Variants in APC observed in about 807,000 individuals in gnomAD.
APC encodes the protein adenomatous polyposis coli protein.
A neutral mutation model predicts 247.0 loss-of-function variants in APC; 72 were observed. The observed-to-expected ratio is 0.29, with a 90% confidence interval of 0.24 to 0.35. The LOEUF (loss-of-function observed/expected upper bound fraction) is 0.35, where lower values mean the gene tolerates loss of function less well. Ranked by LOEUF, APC falls within the 10% of genes least tolerant of loss-of-function variation. The probability of loss-of-function intolerance (pLI) is 1.00; values close to 1 mark genes in which losing one functional copy is unlikely to be tolerated. For synonymous variants in APC, 1,254 were observed against 1,162.5 expected, an observed-to-expected ratio of 1.08 and a Z score of -1.60; for missense variants, 3,400 against 3,360.7, an observed-to-expected ratio of 1.01 and a Z score of -0.29.
At chr5:112,824,743 A>G (rs1169616139) in intron 11 of APC, among the ~76,000 whole-genome samples, 1 of 103,522 alleles carries the variant, frequency 9.7e-6, no homozygotes, top group Non-Finnish European at 2.1e-5. Context: ...CATCTTGGGG[A>G]TCTCATTAGT....
chr5:112,742,285 G>A (rs966539185), intron 1 of APC, among the ~76,000 whole-genome samples: 2 of 152,114 alleles, frequency 1.3e-5, no homozygotes, highest in African/African-American at 4.8e-5. Flanking sequence ...AGTGAAGGCC[G>A]TAAGTTTTCT....
At position 112,839,847 on chromosome 5, in the gene APC, T is replaced by G. The variant is rs1304517507; in HGVS notation, c.4253T>G (p.Ile1418Arg). The change falls in exon 16 of 16, where the codon ATA becomes AGA. Residue 1418 changes from isoleucine (I) to arginine (R), a missense_variant. Physicochemically the swap from Ile to Arg is moderately conservative, Grantham distance 97 (BLOSUM62 -3). Transcript: ENST00000257430. The surrounding 1 kb of genome is among the most constrained non-coding windows in gnomAD (Gnocchi z 5.0). ...EPCSGMVSGIISPSDLPDSPG... is the reference protein window; with the variant it reads ...EPCSGMVSGIRSPSDLPDSPG... ...TGCAGTGGAATGGTAAGTGGCATTA[T>G]AAGCCCCAGTGATCTTCCAGATAGC... 1 of 1,614,002 alleles carries G rather than the reference T, an allele frequency of 6.2e-7. No individual in the cohort carries two copies. Among genetic ancestry groups the G allele is most frequent in the Admixed American group, 1.7e-5 (1 of 59,986 alleles).
In APC at chr5:112,824,912, T is replaced by A. The variant is rs190788055; in HGVS notation, c.1409-2196T>A. 4.6e-5 allele frequency among the ~76,000 whole-genome samples: 7 copies of A among 152,058 alleles called. No homozygotes were observed. In the East Asian group the frequency reaches 1.3e-3, roughly 29 times the overall value. On this transcript the variant is annotated intron_variant, in intron 11 of 15. Transcript: ENST00000257430. ...CTTTCTCTCTATGCTTCTGTTATAG[T>A]TTTTGTTTTTGTTTTCAAATTTACA...
At chr5:112,817,708 C>T (rs1027581064) in intron 9 of APC, among the ~76,000 whole-genome samples, 1 of 152,176 alleles carries the variant, frequency 6.6e-6, no homozygotes, top group Admixed American at 6.5e-5. Context: ...ATTTTGAATG[C>T]TAGCTACTGT....
chr5:112,824,916 TG>T (rs1763489889), intron 11 of APC, among the ~76,000 whole-genome samples: 1 of 152,174 alleles, frequency 6.6e-6, no homozygotes, highest in South Asian at 2.1e-4. Flanking sequence ...TTATAGTTTT[TG>T]TTTTTGTTTT....
At chr5:112,799,041 C>G (rs961230500) in intron 7 of APC, among the ~76,000 whole-genome samples, 10 of 152,012 alleles carry the variant, frequency 6.6e-5, no homozygotes, top group African/African-American at 2.4e-4. Context: ...GAAACCCTGT[C>G]TCTACTAAAA....
At chr5:112,742,358 A>G (rs569325427) in intron 1 of APC, among the ~76,000 whole-genome samples, 6 of 152,300 alleles carry the variant, frequency 3.9e-5, no homozygotes, top group Admixed American at 6.5e-5. Context: ...TCCTTGGACT[A>G]TGTTATTTAT....
upstream of APC, among the ~76,000 whole-genome samples, chr5:112,733,001 T>G (rs1752172747): frequency 2.6e-5 from 4 of 152,228 alleles, no homozygotes; most frequent in South Asian, 8.3e-4. Context: ...TAGTCAAGCC[T>G]TAGAAAAGTT....
rs74725935 is a variant in APC at position 112,828,141 on chromosome 5, T to C, written c.1626+135T>C. On this transcript the variant is annotated intron_variant, in intron 13 of 15. Transcript: ENST00000257430. ...ACCTCTGCCTCCAGGGTTCAAGCAA[T>C]CCTCCCACTTCAGCCTCTCGAGGCT... 2.6e-5 allele frequency: 20 copies of C among 757,300 alleles called. No homozygotes were observed. The highest frequency in any genetic ancestry group is 2.2e-4 in the Admixed American group (11 of 49,212). 46.9% of individuals were successfully genotyped at this position (757,300 alleles called of 1,614,324 possible). A position where few individuals can be genotyped will look rare whatever the true frequency, so the allele number is the denominator to read the frequency against.
intron 8 of APC, among the ~76,000 whole-genome samples, chr5:112,807,188 C>T (rs75614202): frequency 0.013 from 2,036 of 151,204 alleles, 54 homozygotes; most frequent in African/African-American, 0.046. Context: ...AGGCGTGCAC[C>T]ACCATGCCCA....
upstream of APC, among the ~76,000 whole-genome samples, chr5:112,735,053 G>A (rs1467288582): frequency 6.6e-6 from 1 of 151,944 alleles, no homozygotes; most frequent in Non-Finnish European, 1.5e-5. Context: ...ATTTACATAT[G>A]AAACCATTTA....
At chr5:112,735,321 G>T (rs1046947064), upstream of APC, among the ~76,000 whole-genome samples, 1 of 151,902 alleles carries the variant, frequency 6.6e-6, no homozygotes, top group Admixed American at 6.6e-5. Context: ...GACCACAGGC[G>T]CGTGTCACCA....
chr5:112,806,892 G>C (rs1402277696), intron 8 of APC, among the ~76,000 whole-genome samples: 1 of 152,134 alleles, frequency 6.6e-6, no homozygotes, highest in Non-Finnish European at 1.5e-5. Flanking sequence ...CAGCACTTTG[G>C]GAGGCTGAGA....
intron 1 of APC, among the ~76,000 whole-genome samples, chr5:112,729,713 G>T (rs1751996580): frequency 6.6e-6 from 1 of 152,226 alleles, no homozygotes. Flanking sequence ...TTTAAGGTCA[G>T]CTAACTAATA....
chr5:112,738,850 C>T (rs1030580920), intron 1 of APC, among the ~76,000 whole-genome samples: 6 of 152,196 alleles, frequency 3.9e-5, no homozygotes, highest in Non-Finnish European at 8.8e-5. Context: ...TTCTACATCA[C>T]GAAAGTGATG....
At chr5:112,757,320 C>T (rs1197456295) in intron 2 of APC, among the ~76,000 whole-genome samples, 2 of 152,084 alleles carry the variant, frequency 1.3e-5, no homozygotes, top group African/African-American at 2.4e-5. Flanking sequence ...GCACTTCCTA[C>T]TGTGGATTAA....
rs863224544 is a variant in APC, at chr5:112,840,801, A to C, written c.5207A>C (p.Lys1736Thr). 1 of 1,614,112 alleles carries C rather than the reference A, an allele frequency of 6.2e-7. No homozygotes were observed. The highest frequency in any genetic ancestry group is 8.5e-7 in the Non-Finnish European group (1 of 1,179,988). Residue 1736 changes from lysine (K) to threonine (T), a missense_variant, in exon 16 of 16, where the codon AAA becomes ACA. Coordinates refer to ENST00000257430, the MANE Select transcript of APC (RefSeq NM_000038.6). This position sits in a 1 kb window ranked among gnomAD's most constrained non-coding sequence, Gnocchi z 4.1. ...ECINSAMPKG[K>T]SHKPFRVKKI... ...ATTAATTCTGCTATGCCCAAAGGGA[A>C]AAGTCACAAGCCTTTCCGTGTGAAA...
chr5:112,772,705 C>T (rs373383265), intron 4 of APC, among the ~76,000 whole-genome samples: 1 of 151,856 alleles, frequency 6.6e-6, no homozygotes, highest in South Asian at 2.1e-4. Flanking sequence ...TTAGTAGAGA[C>T]GGGGTTTCAC....
intron 1 of APC, among the ~76,000 whole-genome samples, chr5:112,745,433 G>A (rs1753538874): frequency 6.6e-6 from 1 of 152,078 alleles, no homozygotes; most frequent in East Asian, 1.9e-4. Flanking sequence ...CTTGTGGAAT[G>A]TAGATAAGGC....
Sources: gnomAD v4.1 joint callset for allele counts (sites outside exome capture counted in the v4.1 genomes callset) on GRCh38, gnomAD v4.1.1 for gene constraint, Gnocchi (gnomAD v3.1) non-coding constraint, MANE v1.5 for transcripts, NCBI Gene and HGNC (gene_info 2026-07-23, HGNC 2026-07-21) for gene names.